Variants in PLCB4 observed in about 807,000 individuals in gnomAD.
PLCB4 encodes 1-phosphatidylinositol 4,5-bisphosphate phosphodiesterase beta-4.
PLCB4 carries 77 observed loss-of-function variants against 178.8 expected under a neutral mutation model. The observed-to-expected ratio is 0.43, with a 90% CI of 0.36 to 0.52. The LOEUF is 0.52. PLCB4 is among the 20% of genes least tolerant of loss of function. The pLI is 0.00. For synonymous variants in PLCB4, 496 were observed against 490.8 expected (o/e 1.01, Z -0.14); for missense variants, 1,024 against 1,453.4 (o/e 0.70, Z 4.80).
chr20:9,375,539 T>C (rs796612311), intron 12 of PLCB4, among the ~76,000 whole-genome samples: 4 of 152,304 alleles, frequency 2.6e-5, no homozygotes, highest in African/African-American at 7.2e-5. Context: ...AATGCACTGA[T>C]GCAAGAAAGA....
rs1555875421 is a variant in PLCB4, at chr20:9,203,056, A to ATAT, written c.-78-14334_-78-14333insTAT. Among the ~76,000 whole-genome samples the ATAT allele has an allele frequency of 5.3e-3, 670 of 126,072 alleles. 2 individuals are homozygous for ATAT. The highest frequency in any genetic ancestry group is 0.02 in the East Asian group (90 of 4,610). The allele number at this position is 126,072 out of a possible 152,430, so 82.7% of individuals were successfully genotyped here. A position where few individuals can be genotyped will look rare whatever the true frequency, so the allele number is the denominator to read the frequency against. ...TGTCTTTGGTAAAAAAAAAAAAAAA[A>ATAT]ATATATATATATATATATATATATG... On this transcript the variant is annotated intron_variant, in intron 2 of 39. Coordinates refer to ENST00000378473, the MANE Select transcript of PLCB4 (RefSeq NM_001377142.1).
chr20:9,110,049 A>G (rs555766395), intron 2 of PLCB4, among the ~76,000 whole-genome samples: 18 of 152,272 alleles, frequency 1.2e-4, no homozygotes, highest in African/African-American at 4.3e-4. Flanking sequence ...GTTTTTTAAA[A>G]TTATTATTAT....
At chr20:9,358,694 A>T (rs538294583) in intron 7 of PLCB4, among the ~76,000 whole-genome samples, 2 of 152,238 alleles carry the variant, frequency 1.3e-5, no homozygotes, top group Admixed American at 1.3e-4. Flanking sequence ...CAGGAGTTCA[A>T]CACACCCTGG....
rs565534364 is a variant in PLCB4, at chr20:9,223,538, A to G, written c.-16+6086A>G. Reference sequence around the variant, plus strand: ...GACGCTGGAAGAGCAGGCAGCTGGTATGGCTCAGCGTTTCTTCCTCCTCAC... The same window carrying G: ...GACGCTGGAAGAGCAGGCAGCTGGTGTGGCTCAGCGTTTCTTCCTCCTCAC... On this transcript the variant is annotated intron_variant, in intron 3 of 39. Coordinates refer to ENST00000378473, the MANE Select transcript of PLCB4 (RefSeq NM_001377142.1). 2.4e-4 allele frequency among the ~76,000 whole-genome samples: 37 copies of G among 152,294 alleles called. No individual in the cohort carries two copies. In the South Asian group the frequency reaches 6.8e-3, roughly 28 times the overall value.
intron 28 of PLCB4, among the ~76,000 whole-genome samples, chr20:9,425,731 C>T (rs1459915511): frequency 6.6e-6 from 1 of 152,218 alleles, no homozygotes; most frequent in African/African-American, 2.4e-5. Context: ...TGAGATTCTG[C>T]AGTCGATGCC....
At chr20:9,213,229 C>T (rs1432007767) in intron 2 of PLCB4, among the ~76,000 whole-genome samples, 1 of 133,664 alleles carries the variant, frequency 7.5e-6, no homozygotes, top group Non-Finnish European at 1.5e-5. Flanking sequence ...ACTACAAACT[C>T]TATCTCCCAG....
chr20:9,120,132 C>T (rs2091907973), intron 2 of PLCB4, among the ~76,000 whole-genome samples: 1 of 152,154 alleles, frequency 6.6e-6, no homozygotes. Context: ...TCCTTGCTCT[C>T]CTTATGTGAA....
At chr20:9,218,796 A>C (rs1162079866) in intron 3 of PLCB4, among the ~76,000 whole-genome samples, 1 of 152,168 alleles carries the variant, frequency 6.6e-6, no homozygotes, top group East Asian at 1.9e-4. Context: ...CAAGTGCGCT[A>C]TCTTTTACTA....
At chr20:9,429,907 C>A (rs2041278322) in intron 28 of PLCB4, among the ~76,000 whole-genome samples, 1 of 152,164 alleles carries the variant, frequency 6.6e-6, no homozygotes, top group Non-Finnish European at 1.5e-5. Context: ...ATAACTCCAG[C>A]TACAGAATGA....
intron 3 of PLCB4, among the ~76,000 whole-genome samples, chr20:9,250,338 TGTGAGCTTTACAGCATTAAA>T (rs2094167090): frequency 6.6e-6 from 1 of 152,222 alleles, no homozygotes; most frequent in Non-Finnish European, 1.5e-5. Context: ...CCTTAAACTC[TGTGAGCTTTACAGCATTAAA>T]ACACTTCTAA....
chr20:9,094,841 T>A (rs998981392), intron 1 of PLCB4, among the ~76,000 whole-genome samples: 1 of 152,218 alleles, frequency 6.6e-6, no homozygotes, highest in Non-Finnish European at 1.5e-5. Flanking sequence ...TGATCATCAA[T>A]CCATCGTGGC....
At chr20:9,160,206 A>T (rs2092863658) in intron 2 of PLCB4, among the ~76,000 whole-genome samples, 1 of 152,052 alleles carries the variant, frequency 6.6e-6, no homozygotes. Context: ...GGTCTCTAAC[A>T]TTTGCTGTGG....
At chr20:9,144,770 A>AAGGAGGGGG (rs1568832008) in intron 2 of PLCB4, among the ~76,000 whole-genome samples, 6 of 51,266 alleles carry the variant, frequency 1.2e-4, no homozygotes, top group African/African-American at 3.1e-4. Flanking sequence ...GAAGGAGGGG[A>AAGGAGGGGG]ATGAGGGGGA....
intron 2 of PLCB4, among the ~76,000 whole-genome samples, chr20:9,153,200 A>G (rs1342464705): frequency 3.3e-5 from 5 of 152,136 alleles, no homozygotes; most frequent in African/African-American, 9.7e-5. Context: ...TGCTGAAATG[A>G]GTTAAGACTT....
intron 30 of PLCB4, 150 bp from the exon 31 acceptor site, chr20:9,443,831 T>C: frequency 1.8e-6 from 1 of 546,826 alleles, no homozygotes; most frequent in Middle Eastern, 4.9e-4. Flanking sequence ...GTTAATTGCT[T>C]TGTAATAGGA....
intron 3 of PLCB4, among the ~76,000 whole-genome samples, chr20:9,223,139 T>G (rs1028133196): frequency 3.9e-5 from 6 of 152,034 alleles, no homozygotes; most frequent in Non-Finnish European, 7.4e-5. Context: ...GGGAAAAAAA[T>G]CTATATATGT....
chr20:9,178,444 A>G (rs188759703), intron 2 of PLCB4, among the ~76,000 whole-genome samples: 3 of 152,182 alleles, frequency 2.0e-5, no homozygotes, highest in Admixed American at 6.5e-5. Flanking sequence ...TTTTATCAGC[A>G]CTTATGTGAA....
intron 35 of PLCB4, among the ~76,000 whole-genome samples, chr20:9,463,593 CAA>C (rs145361980): frequency 1.0e-4 from 5 of 49,684 alleles, no homozygotes; most frequent in Non-Finnish European, 1.5e-4. Context: ...AAATGGAAAG[CAA>C]AAAAAAAAAA....
chr20:9,128,670 G>C (rs1426313940), intron 2 of PLCB4, among the ~76,000 whole-genome samples: 1 of 152,184 alleles, frequency 6.6e-6, no homozygotes, highest in Non-Finnish European at 1.5e-5. Flanking sequence ...TTACAGGCAT[G>C]AGCCACCGCA....
Sources: gnomAD v4.1 joint callset for allele counts (sites outside exome capture counted in the v4.1 genomes callset) on GRCh38, gnomAD v4.1.1 for gene constraint, MANE v1.5 for transcripts, NCBI Gene and HGNC (gene_info 2026-07-23, HGNC 2026-07-21) for gene names.